COL5A2: variants seen among roughly 807,000 people sequenced by gnomAD.
The protein encoded by COL5A2 is collagen alpha-2(V) chain.
In COL5A2, 23 loss-of-function variants were observed where a neutral mutation model predicts 208.2. The observed-to-expected ratio is 0.11, with a 90% CI of 0.08 to 0.16. COL5A2 has a LOEUF of 0.16. COL5A2 is among the 10% of genes least tolerant of loss of function. The pLI, the probability that COL5A2 is intolerant of heterozygous loss-of-function variation, is 1.00. For synonymous variants in COL5A2, 625 were observed against 628.5 expected (o/e 0.99, Z 0.08); for missense variants, 1,590 against 1,956.4 (o/e 0.81, Z 3.53).
At position 189,075,566 on chromosome 2, in the gene COL5A2, C is replaced by T. The variant is rs542390994; in HGVS notation, c.1060-129G>A. On this transcript the variant is annotated intron_variant, in intron 16 of 53. Coordinates refer to ENST00000374866, the MANE Select transcript of COL5A2 (RefSeq NM_000393.5). ...AATATTAAAGTTAACTGACAATAAC[C>T]CTCACTCAGTTAATAGCAATATAAA... The T allele has an allele frequency of 2.1e-5, 15 of 698,114 alleles. No homozygotes were observed. In the East Asian group the frequency reaches 4.3e-4, roughly 20 times the overall value. 43.2% of individuals were successfully genotyped at this position (698,114 alleles called of 1,614,324 possible).
intron 1 of COL5A2, among the ~76,000 whole-genome samples, chr2:189,219,286 G>A (rs1291481361): frequency 6.6e-6 from 1 of 152,076 alleles, no homozygotes; most frequent in African/African-American, 2.4e-5. Context: ...GTTCTAGTAG[G>A]AGCCAAAAAC....
chr2:189,185,322 C>T (rs1240327728), intron 1 of COL5A2, among the ~76,000 whole-genome samples: 1 of 152,152 alleles, frequency 6.6e-6, no homozygotes, highest in African/African-American at 2.4e-5. Flanking sequence ...GTGTGCCCGA[C>T]CCTAATATGC....
chr2:189,424,326 T>C, the COL5A2 span, among the ~76,000 whole-genome samples: 2 of 152,162 alleles, frequency 1.3e-5, no homozygotes, highest in Non-Finnish European at 2.9e-5. Context: ...CTGGAAGTTC[T>C]AATGAGCCGT....
the COL5A2 span, among the ~76,000 whole-genome samples, chr2:189,344,791 G>A: frequency 5.3e-5 from 8 of 152,336 alleles, no homozygotes; most frequent in East Asian, 1.5e-3. Context: ...GCTGGCATTA[G>A]TGGGACCAAA....
chr2:189,268,433 A>T, the COL5A2 span, among the ~76,000 whole-genome samples: 2 of 152,142 alleles, frequency 1.3e-5, no homozygotes, highest in Non-Finnish European at 1.5e-5. Flanking sequence ...ATCAGAAAAA[A>T]TTCTATTCAG....
chr2:189,172,755 T>TA (rs1207952030), intron 1 of COL5A2, among the ~76,000 whole-genome samples: 1 of 152,078 alleles, frequency 6.6e-6, no homozygotes, highest in Non-Finnish European at 1.5e-5. Flanking sequence ...GCTGTCATCT[T>TA]AAAGCTGAAT....
In COL5A2 at chr2:189,033,932, T is replaced by G; in HGVS notation, c.*138A>C. On this transcript the variant is annotated 3_prime_UTR_variant, in exon 54 of 54. Transcript: ENST00000374866. Reference sequence around the variant, plus strand: ...CTGAAGGATAAGGAGGCCAGGCACTTAAGACCATATATACAATGCTGATGC... The same window carrying G: ...CTGAAGGATAAGGAGGCCAGGCACTGAAGACCATATATACAATGCTGATGC... 8.9e-7 allele frequency: 1 copy of G among 1,118,840 alleles called. No homozygotes were observed. The highest frequency in any genetic ancestry group is 1.3e-5 in the South Asian group (1 of 79,782). The allele number at this position is 1,118,840 out of a possible 1,614,324, so 69.3% of individuals were successfully genotyped here. A position where few individuals can be genotyped will look rare whatever the true frequency, so the allele number is the denominator to read the frequency against.
chr2:189,348,218 G>A, the COL5A2 span, among the ~76,000 whole-genome samples: 22 of 151,894 alleles, frequency 1.4e-4, no homozygotes, highest in African/African-American at 5.1e-4. Context: ...GAGAACATAA[G>A]GTTTGAATCA....
chr2:189,155,289 T>C (rs183057488), intron 1 of COL5A2, among the ~76,000 whole-genome samples: 7 of 152,260 alleles, frequency 4.6e-5, no homozygotes, highest in Non-Finnish European at 1.0e-4. Context: ...CACTAGGCCT[T>C]TGGGAGATTT....
At chr2:189,422,780 T>G in the COL5A2 span, among the ~76,000 whole-genome samples, 7 of 152,190 alleles carry the variant, frequency 4.6e-5, no homozygotes, top group South Asian at 1.5e-3. Flanking sequence ...ATTCCAGCAT[T>G]TTGGTAGGCC....
At chr2:189,213,400 T>C (rs971742820) in intron 1 of COL5A2, among the ~76,000 whole-genome samples, 2 of 152,174 alleles carry the variant, frequency 1.3e-5, no homozygotes, top group Non-Finnish European at 2.9e-5. Flanking sequence ...ACACTGAAAG[T>C]GTGCCAAAAC....
At chr2:189,311,789 G>T in the COL5A2 span, 10 of 886,004 alleles carry the variant, frequency 1.1e-5, no homozygotes, top group African/African-American at 1.6e-5. Context: ...TCATCACATT[G>T]GACCTGGATG....
chr2:189,130,500 A>G (rs1339881820), intron 1 of COL5A2, among the ~76,000 whole-genome samples: 3 of 152,106 alleles, frequency 2.0e-5, no homozygotes, highest in Non-Finnish European at 4.4e-5. Context: ...CCACTGAAGC[A>G]GGGTATCTAT....
intron 53 of COL5A2, 76 bp downstream of exon 53, chr2:189,034,840 T>C: frequency 6.3e-7 from 1 of 1,576,968 alleles, no homozygotes; most frequent in South Asian, 1.1e-5. Flanking sequence ...CCCCCAGTTC[T>C]AGTGCTGTAA....
chr2:189,153,735 T>C (rs751646025), intron 1 of COL5A2, among the ~76,000 whole-genome samples: 7 of 152,066 alleles, frequency 4.6e-5, no homozygotes, highest in Non-Finnish European at 1.0e-4. Flanking sequence ...CTCTCTGGTT[T>C]CTGCTTGCCT....
chr2:189,039,678 G>T, intron 50 of COL5A2, 115 bp from the exon 51 acceptor site: 1 of 1,023,254 alleles, frequency 9.8e-7, no homozygotes, highest in Non-Finnish European at 1.4e-6. Context: ...AGTAAAGGGA[G>T]ATCTATGACT....
At position 189,039,405 on chromosome 2, in the gene COL5A2, C is replaced by G; in HGVS notation, c.3792G>C (p.Thr1264=). 1 of 1,613,916 alleles carries G rather than the reference C, an allele frequency of 6.2e-7. No individual in the cohort carries two copies. The highest frequency in any genetic ancestry group is 8.5e-7 in the Non-Finnish European group (1 of 1,180,024). The change falls in exon 51 of 54, where the codon ACG becomes ACC. Residue 1264 remains threonine, a synonymous_variant. Coordinates refer to ENST00000374866, the MANE Select transcript of COL5A2 (RefSeq NM_000393.5). ...TCAGGGTAGCATGAACCCCTGGGTC[C>G]GTTTTGTTTTTGTCATCAGGAGCCG... ...DQAAPDDKNK[T]DPGVHATLKS...
At chr2:189,075,071 T>A (rs917755809) in intron 17 of COL5A2, among the ~76,000 whole-genome samples, 11 of 152,184 alleles carry the variant, frequency 7.2e-5, no homozygotes, top group Admixed American at 2.0e-4. Context: ...CCCACTGTGT[T>A]TTGTCATCTA....
the COL5A2 span, among the ~76,000 whole-genome samples, chr2:189,389,267 T>C: frequency 6.6e-6 from 1 of 152,168 alleles, no homozygotes; most frequent in African/African-American, 2.4e-5. Flanking sequence ...AGTCAGCACT[T>C]CAGCAATATC....
Sources: gnomAD v4.1 joint callset for allele counts (sites outside exome capture counted in the v4.1 genomes callset) on GRCh38, gnomAD v4.1.1 for gene constraint, MANE v1.5 for transcripts, NCBI Gene and HGNC (gene_info 2026-07-23, HGNC 2026-07-21) for gene names.